Variants in KCNIP4 observed in about 807,000 individuals in gnomAD.
KCNIP4 encodes Kv channel-interacting protein 4.
Under a neutral mutation model 34.0 loss-of-function variants are expected in KCNIP4, and 12 were observed. The ratio of observed to expected loss-of-function variants is 0.35; its 90% confidence interval spans 0.23 to 0.57. The LOEUF (loss-of-function observed/expected upper bound fraction) is 0.57. Ranked by LOEUF, KCNIP4 falls within the 20% of genes least tolerant of loss-of-function variation. KCNIP4 has a pLI of 0.83. For missense variants in KCNIP4, 238 were observed against 311.7 expected (o/e 0.76, Z 1.78); for synonymous variants, 124 against 102.2 (o/e 1.21, Z -1.29).
At chr4:21,721,175 CA>C (rs1714800152) in intron 1 of KCNIP4, among the ~76,000 whole-genome samples, 1 of 152,040 alleles carries the variant, frequency 6.6e-6, no homozygotes, top group Non-Finnish European at 1.5e-5. Flanking sequence ...TCCGTGAAAA[CA>C]GTGTGATGTA....
chr4:21,012,516 G>A (rs1739146032), intron 1 of KCNIP4, among the ~76,000 whole-genome samples: 1 of 152,194 alleles, frequency 6.6e-6, no homozygotes, highest in Non-Finnish European at 1.5e-5. Flanking sequence ...TCAGTAAGCA[G>A]TGATCATGCC....
At chr4:20,802,814 G>A (rs888973997) in intron 3 of KCNIP4, among the ~76,000 whole-genome samples, 3 of 151,950 alleles carry the variant, frequency 2.0e-5, no homozygotes, top group African/African-American at 7.3e-5. Flanking sequence ...GGTGGCTCAC[G>A]CCTGTAATCC....
At chr4:21,592,753 T>C (rs961243201) in intron 1 of KCNIP4, among the ~76,000 whole-genome samples, 4 of 152,126 alleles carry the variant, frequency 2.6e-5, no homozygotes, top group African/African-American at 9.7e-5. Flanking sequence ...ATTGATAATT[T>C]TTATTTCTAT....
chr4:21,670,886 G>C (rs1037272339), intron 1 of KCNIP4, among the ~76,000 whole-genome samples: 1 of 151,854 alleles, frequency 6.6e-6, no homozygotes, highest in Admixed American at 6.6e-5. Context: ...TCGATCTCCT[G>C]ACCTCGTGAT....
At chr4:21,845,920 T>C (rs1723985346) in intron 1 of KCNIP4, 1 of 152,098 alleles carries the variant, frequency 6.6e-6, no homozygotes, top group Non-Finnish European at 1.5e-5. Context: ...TGCAGTCTTC[T>C]CCTCAATAAC....
intron 1 of KCNIP4, among the ~76,000 whole-genome samples, chr4:21,870,143 T>C (rs1200280009): frequency 6.6e-6 from 1 of 152,174 alleles, no homozygotes; most frequent in Non-Finnish European, 1.5e-5. Flanking sequence ...CACCTTAGTG[T>C]GTCAGCATCT....
chr4:21,168,840 A>T (rs1363250542), intron 1 of KCNIP4, among the ~76,000 whole-genome samples: 10 of 152,222 alleles, frequency 6.6e-5, no homozygotes, highest in South Asian at 2.1e-4. Context: ...TTTAAACATG[A>T]TTTGCTAGCA....
chr4:21,249,910 C>A (rs1248519207), intron 1 of KCNIP4, among the ~76,000 whole-genome samples: 1 of 151,988 alleles, frequency 6.6e-6, no homozygotes, highest in African/African-American at 2.4e-5. Context: ...CTTAAGTATT[C>A]CATCCAAGCA....
At chr4:20,775,511 G>A (rs1756296237) in intron 3 of KCNIP4, among the ~76,000 whole-genome samples, 1 of 147,952 alleles carries the variant, frequency 6.8e-6, no homozygotes, top group Non-Finnish European at 1.5e-5. Context: ...GGCCATCCTG[G>A]GCAATATAGT....
At chr4:21,354,078 C>G (rs1718307422) in intron 1 of KCNIP4, among the ~76,000 whole-genome samples, 1 of 152,162 alleles carries the variant, frequency 6.6e-6, no homozygotes, top group African/African-American at 2.4e-5. Context: ...AAACAAAATT[C>G]TTTACAGACA....
intron 3 of KCNIP4, among the ~76,000 whole-genome samples, chr4:20,797,504 T>G (rs1437351112): frequency 6.6e-6 from 1 of 152,200 alleles, no homozygotes; most frequent in Non-Finnish European, 1.5e-5. Context: ...TAATGGATTT[T>G]CCTCTGCGAT....
intron 1 of KCNIP4, among the ~76,000 whole-genome samples, chr4:21,321,525 C>T (rs1361930003): frequency 3.3e-5 from 5 of 150,900 alleles, no homozygotes; most frequent in South Asian, 2.1e-4. Flanking sequence ...GTAGACAATA[C>T]GAAGAAGGCT....
At chr4:21,247,579 A>G (rs1360048350) in intron 1 of KCNIP4, among the ~76,000 whole-genome samples, 2 of 92,150 alleles carry the variant, frequency 2.2e-5, no homozygotes, top group Non-Finnish European at 3.7e-5. Context: ...ATATAAATAC[A>G]TATATATATA....
At chr4:21,257,019 A>G (rs550993957) in intron 1 of KCNIP4, among the ~76,000 whole-genome samples, 25 of 152,308 alleles carry the variant, frequency 1.6e-4, no homozygotes, top group South Asian at 1.5e-3. Flanking sequence ...CCATGCCACA[A>G]TCGCTAGAAC....
chr4:21,420,760 C>G (rs1725388441), intron 1 of KCNIP4, among the ~76,000 whole-genome samples: 2 of 152,032 alleles, frequency 1.3e-5, no homozygotes, highest in Non-Finnish European at 2.9e-5. Flanking sequence ...ATCTCAAAAG[C>G]AAAGGCAACA....
At chr4:21,252,934 T>G (rs528011228) in intron 1 of KCNIP4, among the ~76,000 whole-genome samples, 216 of 152,138 alleles carry the variant, frequency 1.4e-3, no homozygotes, top group African/African-American at 5.0e-3. Context: ...TTTCCTATCA[T>G]CTATGAGATG....
intron 1 of KCNIP4, among the ~76,000 whole-genome samples, chr4:20,963,244 T>G (rs1411900199): frequency 6.6e-6 from 1 of 152,008 alleles, no homozygotes; most frequent in African/African-American, 2.4e-5. Flanking sequence ...TGAGAATTCC[T>G]TGAACCCGGG....
intron 1 of KCNIP4, among the ~76,000 whole-genome samples, chr4:21,443,771 C>A (rs1727701486): frequency 6.6e-6 from 1 of 152,174 alleles, no homozygotes; most frequent in East Asian, 1.9e-4. Flanking sequence ...CATCTCCACA[C>A]ATACACACAA....
intron 3 of KCNIP4, among the ~76,000 whole-genome samples, chr4:20,809,329 G>T (rs1560481610): frequency 6.6e-6 from 1 of 152,190 alleles, no homozygotes; most frequent in East Asian, 1.9e-4. Context: ...GGCTTAAAAG[G>T]TTGTTAGGGT....
Sources: allele counts gnomAD v4.1 joint callset (sites outside exome capture counted in the v4.1 genomes callset), GRCh38; gene constraint gnomAD v4.1.1; transcripts MANE v1.5; gene names NCBI Gene and HGNC (gene_info 2026-07-23, HGNC 2026-07-21).